Variants in CMSS1 observed in about 807,000 individuals in gnomAD.
CMSS1 encodes protein CMSS1.
CMSS1 carries 33 observed loss-of-function variants against 43.5 expected under a neutral mutation model. The ratio of observed to expected loss-of-function variants is 0.76; its 90% CI spans 0.57 to 1.01. The LOEUF (loss-of-function observed/expected upper bound fraction) is 1.01. Among genes scored for constraint, CMSS1 ranks in the 50% least tolerant of loss-of-function variants. The probability of loss-of-function intolerance (pLI) is 0.00; values close to 1 mark genes in which losing one functional copy is unlikely to be tolerated. For missense variants in CMSS1, 313 were observed against 326.4 expected (o/e 0.96, Z 0.32); for synonymous variants, 115 against 117.2 (o/e 0.98, Z 0.12).
At chr3:99,933,457 CTATT>C (rs1193887532) in intron 1 of CMSS1, among the ~76,000 whole-genome samples, 16 of 151,974 alleles carry the variant, frequency 1.1e-4, no homozygotes, top group African/African-American at 3.6e-4. Flanking sequence ...GTGTGTATAT[CTATT>C]TATTTATAAA....
chr3:100,053,248 A>G (rs1351300487), intron 1 of CMSS1, among the ~76,000 whole-genome samples: 1 of 152,198 alleles, frequency 6.6e-6, no homozygotes, highest in Non-Finnish European at 1.5e-5. Flanking sequence ...AAATTGGGTG[A>G]TTTATAATAA....
intron 1 of CMSS1, among the ~76,000 whole-genome samples, chr3:99,828,536 G>C (rs561799553): frequency 1.6e-4 from 24 of 149,856 alleles, no homozygotes; most frequent in Non-Finnish European, 3.0e-4. Flanking sequence ...CTGCAGCCTC[G>C]GACTTCTGGG....
At position 100,162,307 on chromosome 3, in the gene CMSS1, A is replaced by G; in HGVS notation, c.230A>G (p.Lys77Arg). 6.2e-7 allele frequency: 1 copy of G among 1,607,402 alleles called. No homozygotes were observed. Among genetic ancestry groups the G allele is most frequent in the Non-Finnish European group, 8.5e-7 (1 of 1,177,732 alleles). Residue 77 changes from lysine (K) to arginine (R), a missense_variant, in exon 4 of 10, where the codon AAA (lysine) becomes AGA (arginine). Transcript: ENST00000421999. ...TTCTTCTTTCTCATATCTTAGAAGAAAATTACTGATGTTCTTGCAAAATCA... is the reference window on the plus strand; with the variant it reads ...TTCTTCTTTCTCATATCTTAGAAGAGAATTACTGATGTTCTTGCAAAATCA... ...TTKTRKRRKK[K>R]ITDVLAKSEP... is the part of the protein sequence containing the mutation.
intron 1 of CMSS1, among the ~76,000 whole-genome samples, chr3:99,830,768 T>C (rs931598819): frequency 1.3e-5 from 2 of 152,186 alleles, no homozygotes; most frequent in Non-Finnish European, 2.9e-5. Flanking sequence ...AGAATGTCAG[T>C]AAAGTAATCT....
intron 1 of CMSS1, among the ~76,000 whole-genome samples, chr3:99,903,260 T>A (rs954287525): frequency 6.6e-6 from 1 of 151,062 alleles, no homozygotes; most frequent in Non-Finnish European, 1.5e-5. Context: ...ATATGCATGT[T>A]TTTTTTTTTG....
chr3:100,026,663 C>A (rs150456271), intron 1 of CMSS1, among the ~76,000 whole-genome samples: 139 of 152,290 alleles, frequency 9.1e-4, no homozygotes, highest in African/African-American at 3.1e-3. Context: ...TCTAATTCAT[C>A]AGGAAATCCT....
At chr3:100,089,119 A>T (rs934326603) in intron 1 of CMSS1, among the ~76,000 whole-genome samples, 4 of 152,308 alleles carry the variant, frequency 2.6e-5, no homozygotes, top group Admixed American at 2.6e-4. Flanking sequence ...AGTATCCAAG[A>T]GTAAAAGTTA....
intron 1 of CMSS1, among the ~76,000 whole-genome samples, chr3:99,970,309 G>C (rs1169468850): frequency 6.6e-6 from 1 of 152,222 alleles, no homozygotes; most frequent in African/African-American, 2.4e-5. Flanking sequence ...TCTGAATAGG[G>C]AATGCCCACC....
intron 8 of CMSS1, among the ~76,000 whole-genome samples, chr3:100,174,390 T>C (rs2067132910): frequency 6.6e-6 from 1 of 151,692 alleles, no homozygotes; most frequent in African/African-American, 2.4e-5. Flanking sequence ...ACAGGATTAC[T>C]CTTCTCTGTA....
At chr3:100,019,084 T>C (rs1284341290) in intron 1 of CMSS1, among the ~76,000 whole-genome samples, 2 of 152,188 alleles carry the variant, frequency 1.3e-5, no homozygotes, top group Non-Finnish European at 2.9e-5. Flanking sequence ...CCTTATACAT[T>C]GTTCAAGGGA....
At position 100,045,731 on chromosome 3, in the gene CMSS1, G is replaced by A. The variant is rs545473920; in HGVS notation, c.65-101242G>A. 4.6e-5 allele frequency among the ~76,000 whole-genome samples: 7 copies of A among 152,346 alleles called. No homozygotes were observed. In the South Asian group the frequency reaches 1.4e-3, roughly 32 times the overall value. On this transcript the variant is annotated intron_variant, in intron 1 of 9. Transcript: ENST00000421999. ...GTAACATTATTTTTAGGAAGGCAAA[G>A]CCTTTACATTTCCAGACGGCAGCTT...
At chr3:99,898,259 A>G (rs962201239) in intron 1 of CMSS1, 5 of 152,198 alleles carry the variant, frequency 3.3e-5, no homozygotes, top group East Asian at 3.8e-4. Flanking sequence ...TTAGAGCTGT[A>G]TTGTAGGTGT....
chr3:99,851,013 C>A, intron 1 of CMSS1: 2 of 1,612,226 alleles, frequency 1.2e-6, no homozygotes, highest in Non-Finnish European at 1.7e-6. Context: ...CCCTTTTCTC[C>A]TTTTCTTGCT....
intron 1 of CMSS1, among the ~76,000 whole-genome samples, chr3:99,936,957 G>A (rs188134725): frequency 6.6e-6 from 1 of 151,992 alleles, no homozygotes; most frequent in East Asian, 1.9e-4. Context: ...CTTTTTTTGA[G>A]ACGGAGTTTT....
At chr3:100,140,869 C>G (rs2066798621) in intron 1 of CMSS1, among the ~76,000 whole-genome samples, 1 of 151,922 alleles carries the variant, frequency 6.6e-6, no homozygotes, top group Non-Finnish European at 1.5e-5. Context: ...AATAACAGTA[C>G]TGCCCCAACC....
chr3:100,056,786 C>T (rs1446718660), intron 1 of CMSS1, among the ~76,000 whole-genome samples: 1 of 151,750 alleles, frequency 6.6e-6, no homozygotes, highest in Non-Finnish European at 1.5e-5. Flanking sequence ...GGGCGGATCA[C>T]GAGGTCAGGA....
chr3:100,026,993 T>C (rs2064935608), intron 1 of CMSS1, among the ~76,000 whole-genome samples: 1 of 152,154 alleles, frequency 6.6e-6, no homozygotes, highest in Non-Finnish European at 1.5e-5. Flanking sequence ...TGCCAGCTCA[T>C]TTCCTCCTTG....
At chr3:100,150,042 C>T (rs2066891484) in intron 2 of CMSS1, among the ~76,000 whole-genome samples, 2 of 152,110 alleles carry the variant, frequency 1.3e-5, no homozygotes, top group Admixed American at 6.6e-5. Context: ...CCTGCCCACA[C>T]AGTCCCTCCA....
At chr3:99,996,949 A>G (rs1709703664) in intron 1 of CMSS1, among the ~76,000 whole-genome samples, 2 of 152,186 alleles carry the variant, frequency 1.3e-5, no homozygotes, top group African/African-American at 4.8e-5. Flanking sequence ...TTTCGAAACA[A>G]ATGAAAATGA....
Sources: allele counts gnomAD v4.1 joint callset (sites outside exome capture counted in the v4.1 genomes callset), GRCh38; gene constraint gnomAD v4.1.1; transcripts MANE v1.5; gene names NCBI Gene and HGNC (gene_info 2026-07-23, HGNC 2026-07-21).